DGKB: variants seen among roughly 807,000 people sequenced by gnomAD.
The protein encoded by DGKB is 90 kDa diacylglycerol kinase.
A neutral mutation model predicts 114.3 loss-of-function variants in DGKB; 67 were observed. That is an observed-to-expected ratio of 0.59 (90% CI 0.48 to 0.72). The LOEUF (loss-of-function observed/expected upper bound fraction) is 0.72. Ranked by LOEUF, DGKB falls within the 30% of genes least tolerant of loss-of-function variation. The pLI is 0.00. For missense variants in DGKB, 907 were observed against 975.2 expected, an observed-to-expected ratio of 0.93 and a Z score of 0.93; for synonymous variants, 398 against 323.1, an observed-to-expected ratio of 1.23 and a Z score of -2.49.
chr7:14,734,472 ATAT>A (rs1831414617), intron 5 of DGKB, among the ~76,000 whole-genome samples: 1 of 151,976 alleles, frequency 6.6e-6, no homozygotes, highest in Admixed American at 6.6e-5. Context: ...CGGTATTAAG[ATAT>A]TATTTGCTTT....
At chr7:14,488,982 AGT>A in intron 20 of DGKB, among the ~76,000 whole-genome samples, 1 of 152,326 alleles carries the variant, frequency 6.6e-6, no homozygotes, top group East Asian at 1.9e-4. Context: ...CTGAATTAAA[AGT>A]GTAATCCAAC....
At chr7:14,513,906 T>C (rs529837438) in intron 20 of DGKB, among the ~76,000 whole-genome samples, 2 of 152,236 alleles carry the variant, frequency 1.3e-5, no homozygotes, top group Non-Finnish European at 2.9e-5. Context: ...TTCTACCTTT[T>C]ATTTTATACC....
chr7:14,762,258 T>A (rs1835811009), intron 2 of DGKB, among the ~76,000 whole-genome samples: 1 of 152,132 alleles, frequency 6.6e-6, no homozygotes, highest in East Asian at 1.9e-4. Flanking sequence ...TATGGGGAGA[T>A]GAGTTGACTT....
At chr7:14,494,054 A>C (rs1784964386) in intron 20 of DGKB, among the ~76,000 whole-genome samples, 1 of 151,904 alleles carries the variant, frequency 6.6e-6, no homozygotes, top group South Asian at 2.1e-4. Context: ...TATGGCCAAA[A>C]TGCTCCACGT....
intron 1 of DGKB, among the ~76,000 whole-genome samples, chr7:14,955,802 A>G (rs75149028): frequency 7.6e-4 from 116 of 152,198 alleles, no homozygotes; most frequent in African/African-American, 2.7e-3. Context: ...ATGTGGAATC[A>G]TAAGTATATA....
At chr7:14,314,801 G>A (rs1179987057) in intron 23 of DGKB, among the ~76,000 whole-genome samples, 3 of 151,292 alleles carry the variant, frequency 2.0e-5, no homozygotes, top group Admixed American at 6.6e-5. Context: ...GATACTCCTC[G>A]AGAAGAGCAA....
At chr7:14,697,401 ACCATCTT>A (rs1824137979) in intron 8 of DGKB, among the ~76,000 whole-genome samples, 4 of 152,120 alleles carry the variant, frequency 2.6e-5, no homozygotes. Context: ...ATGGAAAACT[ACCATCTT>A]CTTTTATGGC....
intron 6 of DGKB, among the ~76,000 whole-genome samples, chr7:14,712,634 G>A (rs1399046909): frequency 6.6e-6 from 1 of 151,894 alleles, no homozygotes; most frequent in Non-Finnish European, 1.5e-5. Flanking sequence ...CTGTGCCACT[G>A]CACTCCAGCC....
chr7:14,493,486 T>G (rs868264613), intron 20 of DGKB, among the ~76,000 whole-genome samples: 1 of 152,104 alleles, frequency 6.6e-6, no homozygotes, highest in East Asian at 1.9e-4. Context: ...AATATTTTCT[T>G]GTACTGTAGT....
chr7:14,153,822 G>C lies in DGKB; in HGVS notation c.2305-4584C>G, dbSNP rs1162550512. 2.6e-5 allele frequency among the ~76,000 whole-genome samples: 4 copies of C among 151,946 alleles called. No individual in the cohort carries two copies. The East Asian group carries it at 7.7e-4, about 29-fold the overall frequency. ...GGCATCAGGCTTTTCAAAAACATTA[G>C]CGCTAGAAGACAATGAAGAAACACC... On this transcript the variant is annotated intron_variant, in intron 25 of 25. Transcript: ENST00000402815.
At chr7:14,654,103 T>C (rs1430910875) in intron 13 of DGKB, among the ~76,000 whole-genome samples, 1 of 152,084 alleles carries the variant, frequency 6.6e-6, no homozygotes, top group Non-Finnish European at 1.5e-5. Flanking sequence ...TTATCCCTCC[T>C]TGTAAATGAG....
intron 21 of DGKB, among the ~76,000 whole-genome samples, chr7:14,387,458 G>GC (rs1820589891): frequency 1.3e-5 from 2 of 150,250 alleles, no homozygotes; most frequent in South Asian, 4.2e-4. Flanking sequence ...TGTTGCCCAG[G>GC]CTGGAGTGCA....
intron 2 of DGKB, among the ~76,000 whole-genome samples, chr7:14,821,288 T>G (rs533101140): frequency 6.6e-6 from 1 of 152,300 alleles, no homozygotes; most frequent in East Asian, 1.9e-4. Context: ...TTAAATGCCA[T>G]GTTTATACAT....
At chr7:14,601,536 A>C (rs1054269191) in intron 17 of DGKB, among the ~76,000 whole-genome samples, 1 of 152,086 alleles carries the variant, frequency 6.6e-6, no homozygotes, top group Non-Finnish European at 1.5e-5. Flanking sequence ...AATTTGTCAA[A>C]TCCTTAATTT....
intron 20 of DGKB, among the ~76,000 whole-genome samples, chr7:14,556,583 A>C (rs1795908172): frequency 6.6e-6 from 1 of 152,068 alleles, no homozygotes; most frequent in East Asian, 1.9e-4. Flanking sequence ...AAAAAGCTTA[A>C]ATTTTTTTCA....
intron 12 of DGKB, 22 bp from the exon 13 acceptor site, chr7:14,673,049 T>C: frequency 2.8e-6 from 4 of 1,425,574 alleles, no homozygotes; most frequent in Non-Finnish European, 2.9e-6. Context: ...GAAAGGGGGA[T>C]AGTATCAAAT....
At chr7:14,178,499 C>A (rs548870456) in intron 23 of DGKB, among the ~76,000 whole-genome samples, 1 of 151,238 alleles carries the variant, frequency 6.6e-6, no homozygotes. Flanking sequence ...ATACATCCCA[C>A]ATCAGACATT....
intron 24 of DGKB, among the ~76,000 whole-genome samples, chr7:14,177,774 G>T (rs1050824168): frequency 6.6e-6 from 1 of 152,028 alleles, no homozygotes; most frequent in Non-Finnish European, 1.5e-5. Flanking sequence ...CATAAAATTT[G>T]TATGTTTGAA....
intron 23 of DGKB, among the ~76,000 whole-genome samples, chr7:14,231,135 C>G (rs111332688): frequency 9.0e-6 from 1 of 111,728 alleles, no homozygotes; most frequent in Admixed American, 9.9e-5. Flanking sequence ...TTCTTTCTTT[C>G]TTTCTTTCTT....
Sources: allele counts gnomAD v4.1 joint callset (sites outside exome capture counted in the v4.1 genomes callset), GRCh38; gene constraint gnomAD v4.1.1; transcripts MANE v1.5; gene names NCBI Gene and HGNC (gene_info 2026-07-23, HGNC 2026-07-21).